The following FOXL2NB variants were observed in gnomAD, a reference collection of about 807,000 sequenced individuals.
FOXL2NB encodes the protein FOXL2 neighbor.
A neutral mutation model predicts 7.4 loss-of-function variants in FOXL2NB; 10 were observed. The ratio of observed to expected loss-of-function variants is 1.34; its 90% confidence interval spans 0.83 to 2.28. FOXL2NB has a LOEUF of 2.28. FOXL2NB is among the 30% of genes most tolerant of loss of function. The probability of loss-of-function intolerance (pLI) is 0.00; values close to 1 mark genes in which losing one functional copy is unlikely to be tolerated. For synonymous variants in FOXL2NB, 104 were observed against 105.3 expected, an observed-to-expected ratio of 0.99 and a Z score of 0.08; for missense variants, 228 against 233.9, an observed-to-expected ratio of 0.97 and a Z score of 0.17.
In FOXL2NB at chr3:138,949,860, G is replaced by T; in HGVS notation, c.220+221G>T. On this transcript the variant is annotated intron_variant, in intron 2 of 2. Transcript: ENST00000383165. This position sits in a 1 kb window ranked among gnomAD's most constrained non-coding sequence, Gnocchi z 4.5. ...CTCAACCTTCGGAGGTAGGCTGGTT[G>T]CTGGCGAGGTCGGGATCCTCTCTGA... The T allele has an allele frequency of 2.8e-6, 2 of 720,068 alleles. No individual in the cohort carries two copies. The highest frequency in any genetic ancestry group is 5.5e-5 in the East Asian group (2 of 36,562). 44.6% of individuals were successfully genotyped at this position (720,068 alleles called of 1,614,324 possible). A position where few individuals can be genotyped will look rare whatever the true frequency, so the allele number is the denominator to read the frequency against.
In FOXL2NB at chr3:138,947,251, CG is replaced by C; in HGVS notation, c.-113del. The stretch of plus-strand genomic sequence containing the variant: ...TCCAAGTCACTTTTTGTAAACGCCC[CG>C]CACAGCCTGGACCGGCCTGCCCCCG... On this transcript the variant is annotated 5_prime_UTR_variant, in exon 1 of 3. Transcript: ENST00000383165. The surrounding 1 kb of genome is among the most constrained non-coding windows in gnomAD (Gnocchi z 5.2). 1 of 824,490 alleles carries C rather than the reference CG, an allele frequency of 1.2e-6. No homozygotes were observed. Among genetic ancestry groups the C allele is most frequent in the Non-Finnish European group, 1.9e-6 (1 of 530,508 alleles). The allele number at this position is 824,490 out of a possible 1,614,324, so 51.1% of individuals were successfully genotyped here.
In FOXL2NB at chr3:138,947,854, C is replaced by A. The variant is rs554875372; in HGVS notation, c.100+390C>A. 9.9e-7 allele frequency: 1 copy of A among 1,009,536 alleles called. No individual in the cohort carries two copies. Among genetic ancestry groups the A allele is most frequent in the African/African-American group, 1.7e-5 (1 of 57,840 alleles). The allele number at this position is 1,009,536 out of a possible 1,614,324, so 62.5% of individuals were successfully genotyped here. ...CTTTAACAGCACCAAGTAGATGCCCCTCAGCTATTGCACTAACACAGGCGG... is the reference window on the plus strand; with the variant it reads ...CTTTAACAGCACCAAGTAGATGCCCATCAGCTATTGCACTAACACAGGCGG... On this transcript the variant is annotated intron_variant, in intron 1 of 2. Transcript: ENST00000383165. The surrounding 1 kb of genome is among the most constrained non-coding windows in gnomAD (Gnocchi z 5.2).
rs780846841 is a variant in FOXL2NB, at chr3:138,950,460, G to A, written c.416G>A (p.Arg139Gln). The A allele has an allele frequency of 2.5e-6, 4 of 1,614,134 alleles. No individual in the cohort carries two copies. Among genetic ancestry groups the A allele is most frequent in the Non-Finnish European group, 3.4e-6 (4 of 1,180,030 alleles). Residue 139 changes from arginine to glutamine, a missense_variant, in exon 3 of 3, where the codon CGG becomes CAG. Physicochemically the swap from Arg to Gln is conservative, Grantham distance 43 (BLOSUM62 1). Coordinates refer to ENST00000383165, the MANE Select transcript of FOXL2NB (RefSeq NM_001040061.3). ...SPFLAGPRNT[R>Q]RLPAPERERI... ...TTCCTAGCGGGACCCCGAAACACCC[G>A]GCGGCTTCCCGCTCCTGAGCGGGAG... is the stretch of plus-strand genomic sequence containing the variant.
chr3:138,950,640 C>T lies in FOXL2NB; in HGVS notation c.*68C>T. ...ACTCCCTCCCGGCCCCTCACAGGGC[C>T]CTTTGCACCCACACCTCAGGGACTC... On this transcript the variant is annotated 3_prime_UTR_variant, in exon 3 of 3. Transcript: ENST00000383165. 1 of 1,550,276 alleles carries T rather than the reference C, an allele frequency of 6.5e-7. No homozygotes were observed. The highest frequency in any genetic ancestry group is 8.8e-7 in the Non-Finnish European group (1 of 1,134,182).
Position 138,947,628 on chromosome 3 carries a change from G to C in FOXL2NB, c.100+164G>C. ...AGTCAGCCCAGAAACGGGTGTGACT[G>C]TACGAAGAAGCCTCGGCCTGGCCTG... On this transcript the variant is annotated intron_variant, in intron 1 of 2. Coordinates refer to ENST00000383165, the MANE Select transcript of FOXL2NB (RefSeq NM_001040061.3). This position sits in a 1 kb window ranked among gnomAD's most constrained non-coding sequence, Gnocchi z 5.2. 7.2e-7 allele frequency: 1 copy of C among 1,393,400 alleles called. No homozygotes were observed. Among genetic ancestry groups the C allele is most frequent in the East Asian group, 2.8e-5 (1 of 35,610 alleles). 86.3% of individuals were successfully genotyped at this position (1,393,400 alleles called of 1,614,324 possible). A position where few individuals can be genotyped will look rare whatever the true frequency, so the allele number is the denominator to read the frequency against.
Position 138,953,903 on chromosome 3 carries a change from T to C in FOXL2NB, c.*3331T>C, listed in dbSNP as rs751494459. ...TTCTTTTTATTGCTGTGTAATATTCTAGTATTTGCTTATCCATCCATATGT... is the reference window on the plus strand; with the variant it reads ...TTCTTTTTATTGCTGTGTAATATTCCAGTATTTGCTTATCCATCCATATGT... On this transcript the variant is annotated 3_prime_UTR_variant, in exon 3 of 3. Transcript: ENST00000383165. Among the ~76,000 whole-genome samples the C allele has an allele frequency of 6.6e-6, 1 of 152,270 alleles. No homozygotes were observed. Among genetic ancestry groups the C allele is most frequent in the Non-Finnish European group, 1.5e-5 (1 of 68,052 alleles).
chr3:138,950,850 C>G lies in FOXL2NB; in HGVS notation c.*278C>G, dbSNP rs1936118335. 6.4e-6 allele frequency: 3 copies of G among 467,362 alleles called. No homozygotes were observed. The Admixed American group carries it at 1.3e-4, about 20-fold the overall frequency. The allele number at this position is 467,362 out of a possible 1,614,324, so 29.0% of individuals were successfully genotyped here. ...TCAAGCCAATGTGCAGACCCTAAGG[C>G]TTTTCACACGCTGCTCACTTTCGCA... On this transcript the variant is annotated 3_prime_UTR_variant, in exon 3 of 3. Transcript: ENST00000383165.
rs1401993933 is a variant in FOXL2NB, at chr3:138,950,685, C to G, written c.*113C>G. The G allele has an allele frequency of 5.0e-5, 54 of 1,083,126 alleles. No individual in the cohort carries two copies. Among genetic ancestry groups the G allele is most frequent in the Non-Finnish European group, 6.8e-5 (50 of 731,522 alleles). The allele number at this position is 1,083,126 out of a possible 1,614,324, so 67.1% of individuals were successfully genotyped here. On this transcript the variant is annotated 3_prime_UTR_variant, in exon 3 of 3. Coordinates refer to ENST00000383165, the MANE Select transcript of FOXL2NB (RefSeq NM_001040061.3). The stretch of plus-strand genomic sequence containing the variant: ...GGACTCGGTGTCCCTCCACTCAGGT[C>G]ACGTTACTCCATCCACTTCTCTCTC...
Position 138,947,323 on chromosome 3 carries a change from C to CT in FOXL2NB, c.-40dup. On this transcript the variant is annotated 5_prime_UTR_variant, in exon 1 of 3. Coordinates refer to ENST00000383165, the MANE Select transcript of FOXL2NB (RefSeq NM_001040061.3). The surrounding 1 kb of genome is among the most constrained non-coding windows in gnomAD (Gnocchi z 5.2). ...CAGCCGACAGCCAGGCTCACGCGCC[C>CT]TTGAAATCTGCCGGTACTCGCTCTG... 1 of 1,501,894 alleles carries CT rather than the reference C, an allele frequency of 6.7e-7. No individual in the cohort carries two copies. Among genetic ancestry groups the CT allele is most frequent in the Non-Finnish European group, 9.0e-7 (1 of 1,108,052 alleles). The allele number at this position is 1,501,894 out of a possible 1,614,324, so 93.0% of individuals were successfully genotyped here.
In FOXL2NB at chr3:138,947,738, C is replaced by T. The variant is rs968358445; in HGVS notation, c.100+274C>T. 1.6e-5 allele frequency: 19 copies of T among 1,192,358 alleles called. No homozygotes were observed. Among genetic ancestry groups the T allele is most frequent in the Non-Finnish European group, 2.0e-5 (19 of 960,810 alleles). 73.9% of individuals were successfully genotyped at this position (1,192,358 alleles called of 1,614,324 possible). On this transcript the variant is annotated intron_variant, in intron 1 of 2. Transcript: ENST00000383165. The surrounding 1 kb of genome is among the most constrained non-coding windows in gnomAD (Gnocchi z 5.2). ...TAGTCGTCAGGGGCGCCGCCTGAAT[C>T]ACCTCTGCCTCTCCCTGCGTTACCA...
At position 138,947,956 on chromosome 3, in the gene FOXL2NB, G is replaced by C. The variant is rs1936024797; in HGVS notation, c.100+492G>C. On this transcript the variant is annotated intron_variant, in intron 1 of 2. Transcript: ENST00000383165. The surrounding 1 kb of genome is among the most constrained non-coding windows in gnomAD (Gnocchi z 5.2). ...CATATGGAAGTCATGGAGAGGAGCT[G>C]TCCTTGAGATGGGTGAGATACCAGG... The C allele has an allele frequency of 1.0e-6, 1 of 986,296 alleles. No individual in the cohort carries two copies. Among genetic ancestry groups the C allele is most frequent in the Non-Finnish European group, 1.2e-6 (1 of 830,694 alleles). 61.1% of individuals were successfully genotyped at this position (986,296 alleles called of 1,614,324 possible).
At chr3:138,948,163 T>G (rs1936029525) in intron 1 of FOXL2NB, among the ~76,000 whole-genome samples, 1 of 151,504 alleles carries the variant, frequency 6.6e-6, no homozygotes, top group Non-Finnish European at 1.5e-5. Context: ...CCTTCCCCCC[T>G]TTCTTCCTTT....
Position 138,949,753 on chromosome 3 carries a change from C to T in FOXL2NB, c.220+114C>T, listed in dbSNP as rs964335801. 2 of 1,469,286 alleles carry T rather than the reference C, an allele frequency of 1.4e-6. No individual in the cohort carries two copies. The highest frequency in any genetic ancestry group is 2.8e-5 in the African/African-American group (2 of 71,930). The allele number at this position is 1,469,286 out of a possible 1,614,324, so 91.0% of individuals were successfully genotyped here. A position where few individuals can be genotyped will look rare whatever the true frequency, so the allele number is the denominator to read the frequency against. On this transcript the variant is annotated intron_variant, in intron 2 of 2. Transcript: ENST00000383165. The surrounding 1 kb of genome is among the most constrained non-coding windows in gnomAD (Gnocchi z 4.5). ...GAGATAGAGGAATCTAGGGAGAGAA[C>T]AGAATCCTCTCCTTGCCGGCCCAGC...
rs774458651 is a variant in FOXL2NB, at chr3:138,950,587, C to T, written c.*15C>T. On this transcript the variant is annotated 3_prime_UTR_variant, in exon 3 of 3. Coordinates refer to ENST00000383165, the MANE Select transcript of FOXL2NB (RefSeq NM_001040061.3). ...GTGTCTATTAGTACATCCCCATACA[C>T]TCCACGCCTCAACAACTGTCAGCAC... is the stretch of plus-strand genomic sequence containing the variant. 9.9e-6 allele frequency: 16 copies of T among 1,612,316 alleles called. No individual in the cohort carries two copies. The Admixed American group carries it at 2.7e-4, about 27-fold the overall frequency.
rs911645016 is a variant in FOXL2NB, at chr3:138,949,911, G to A, written c.220+272G>A. ...ACAGGGCATACTGTGCCTAGGTTTTGTGGACGCCAGGGCCGGTTCCTTTTC... is the reference window on the plus strand; with the variant it reads ...ACAGGGCATACTGTGCCTAGGTTTTATGGACGCCAGGGCCGGTTCCTTTTC... On this transcript the variant is annotated intron_variant, in intron 2 of 2. Transcript: ENST00000383165. This position sits in a 1 kb window ranked among gnomAD's most constrained non-coding sequence, Gnocchi z 4.5. 7.2e-6 allele frequency: 5 copies of A among 691,888 alleles called. No homozygotes were observed. The highest frequency in any genetic ancestry group is 1.1e-5 in the Non-Finnish European group (4 of 380,240). 42.9% of individuals were successfully genotyped at this position (691,888 alleles called of 1,614,324 possible). A position where few individuals can be genotyped will look rare whatever the true frequency, so the allele number is the denominator to read the frequency against.
chr3:138,947,283 C>G lies in FOXL2NB; in HGVS notation c.-82C>G. On this transcript the variant is annotated 5_prime_UTR_variant, in exon 1 of 3. Transcript: ENST00000383165. This position sits in a 1 kb window ranked among gnomAD's most constrained non-coding sequence, Gnocchi z 5.2. ...CCTGGACCGGCCTGCCCCCGCCCAGCGAGCCTCAGGGGCCCAGCCGACAGC... is the reference window on the plus strand; with the variant it reads ...CCTGGACCGGCCTGCCCCCGCCCAGGGAGCCTCAGGGGCCCAGCCGACAGC... 1 of 1,131,350 alleles carries G rather than the reference C, an allele frequency of 8.8e-7. No individual in the cohort carries two copies. The highest frequency in any genetic ancestry group is 1.3e-6 in the Non-Finnish European group (1 of 789,564). The allele number at this position is 1,131,350 out of a possible 1,614,324, so 70.1% of individuals were successfully genotyped here.
At position 138,950,286 on chromosome 3, in the gene FOXL2NB, G is replaced by T. The variant is rs1325943097; in HGVS notation, c.242G>T (p.Arg81Leu). Residue 81 changes from arginine to leucine, a missense_variant, in exon 3 of 3, where the codon CGG (arginine) becomes CTG (leucine). Physicochemically the swap from Arg to Leu is moderately radical, Grantham distance 102. Coordinates refer to ENST00000383165, the MANE Select transcript of FOXL2NB (RefSeq NM_001040061.3). ...QKTGPGILQQ[R>L]QKPPAPRASG... ...CCAGGGCCGGGAATCCTGCAACAGCGGCAGAAGCCGCCCGCGCCTCGGGCT... is the reference window on the plus strand; with the variant it reads ...CCAGGGCCGGGAATCCTGCAACAGCTGCAGAAGCCGCCCGCGCCTCGGGCT... The T allele has an allele frequency of 5.0e-6, 8 of 1,605,164 alleles. No homozygotes were observed. The Middle Eastern group carries it at 6.6e-4, about 133-fold the overall frequency.
Position 138,949,126 on chromosome 3 carries a change from G to T in FOXL2NB, c.101-394G>T, listed in dbSNP as rs1188070273. Among the ~76,000 whole-genome samples the T allele has an allele frequency of 1.3e-5, 2 of 152,122 alleles. No individual in the cohort carries two copies. The highest frequency in any genetic ancestry group is 4.8e-5 in the African/African-American group (2 of 41,432). On this transcript the variant is annotated intron_variant, in intron 1 of 2. Transcript: ENST00000383165. This position sits in a 1 kb window ranked among gnomAD's most constrained non-coding sequence, Gnocchi z 4.5. ...TCAGTGCCTATCCTCCCCCAGCCAG[G>T]GCCTGGGCAGGGGGAAAAACAGCTG...
rs1576473197 is a variant in FOXL2NB, at chr3:138,950,881, C to T, written c.*309C>T. 4 of 385,618 alleles carry T rather than the reference C, an allele frequency of 1.0e-5. No individual in the cohort carries two copies. The highest frequency in any genetic ancestry group is 6.1e-5 in the South Asian group (2 of 33,020). 23.9% of individuals were successfully genotyped at this position (385,618 alleles called of 1,614,324 possible). On this transcript the variant is annotated 3_prime_UTR_variant, in exon 3 of 3. Transcript: ENST00000383165. ...ACACGCTGCTCACTTTCGCATCTCA[C>T]GGTGCAGAAGGACCAATGGGCTCCA...
Sources: allele counts gnomAD v4.1 joint callset (sites outside exome capture counted in the v4.1 genomes callset), GRCh38; gene constraint gnomAD v4.1.1; non-coding constraint Gnocchi (gnomAD v3.1); transcripts MANE v1.5; gene names NCBI Gene and HGNC (gene_info 2026-07-23, HGNC 2026-07-21).